MTMR3: variants seen among roughly 807,000 people sequenced by gnomAD.
MTMR3 encodes the protein phosphatidylinositol-3,5-bisphosphate 3-phosphatase MTMR3.
MTMR3 carries 32 observed loss-of-function variants against 132.4 expected under a neutral mutation model. That is an observed-to-expected ratio of 0.24 (90% CI 0.18 to 0.32). The LOEUF is 0.32. Ranked by LOEUF, MTMR3 falls within the 10% of genes least tolerant of loss-of-function variation. The probability of loss-of-function intolerance (pLI) is 1.00; values close to 1 mark genes in which losing one functional copy is unlikely to be tolerated. For missense variants in MTMR3, 1,216 were observed against 1,489.6 expected (o/e 0.82, Z 3.02); for synonymous variants, 556 against 550.3 (o/e 1.01, Z -0.14).
intron 1 of MTMR3, among the ~76,000 whole-genome samples, chr22:29,918,663 A>C (rs1333526791): frequency 1.3e-5 from 2 of 152,222 alleles, no homozygotes; most frequent in African/African-American, 4.8e-5. Flanking sequence ...TATTAAATAT[A>C]TGTTGCTTTT....
chr22:29,973,826 T>TG lies in MTMR3; in HGVS notation c.3+2765dup, dbSNP rs1199816703. The stretch of plus-strand genomic sequence containing the variant: ...GTTGGTCAGGCTGGTCTCGAACTCC[T>TG]GACCTCAGGTGATCCATCTGCCTCA... On this transcript the variant is annotated intron_variant, in intron 3 of 19. Transcript: ENST00000401950. 2.0e-5 allele frequency among the ~76,000 whole-genome samples: 3 copies of TG among 152,308 alleles called. No homozygotes were observed. The East Asian group carries it at 5.8e-4, about 29-fold the overall frequency.
At chr22:29,975,251 AC>A (rs2066608106) in intron 3 of MTMR3, among the ~76,000 whole-genome samples, 1 of 152,238 alleles carries the variant, frequency 6.6e-6, no homozygotes, top group Non-Finnish European at 1.5e-5. Context: ...AGAAAATAAA[AC>A]TGAGAAATCT....
At chr22:29,986,643 AAG>A in intron 5 of MTMR3, 1 of 945,238 alleles carries the variant, frequency 1.1e-6, no homozygotes, top group Non-Finnish European at 1.3e-6. Flanking sequence ...GAACACAGGC[AAG>A]ATTTTTCTTT....
intron 2 of MTMR3, among the ~76,000 whole-genome samples, chr22:29,958,787 A>G (rs1289384604): frequency 6.6e-6 from 1 of 152,198 alleles, no homozygotes; most frequent in Non-Finnish European, 1.5e-5. Context: ...CTATATTGAT[A>G]TTTGAATTGT....
intron 1 of MTMR3, among the ~76,000 whole-genome samples, chr22:29,889,792 G>A (rs1186644669): frequency 1.3e-5 from 2 of 151,736 alleles, no homozygotes; most frequent in African/African-American, 4.8e-5. Context: ...TAGCAGTTCT[G>A]TGTTATTAAT....
chr22:29,919,780 A>G (rs2065375196), intron 1 of MTMR3, among the ~76,000 whole-genome samples: 1 of 152,034 alleles, frequency 6.6e-6, no homozygotes, highest in African/African-American at 2.4e-5. Context: ...CTCCTGCCTC[A>G]CCTTCCCATA....
intron 9 of MTMR3, chr22:30,006,229 GGTCT>G (rs1442270552): frequency 6.6e-6 from 1 of 152,146 alleles, no homozygotes; most frequent in Non-Finnish European, 1.5e-5. Flanking sequence ...TGTGATTTCT[GGTCT>G]GTCTTATTGG....
At chr22:30,007,359 C>T (rs770929001) in intron 10 of MTMR3, 40 bp downstream of exon 10, 1 of 1,581,962 alleles carries the variant, frequency 6.3e-7, no homozygotes, top group Non-Finnish European at 8.7e-7. Context: ...ATTTTTATAG[C>T]ATCTAAGAAC....
At chr22:30,022,923 A>C (rs2067802079) in intron 19 of MTMR3, 1 of 530,184 alleles carries the variant, frequency 1.9e-6, no homozygotes, top group African/African-American at 1.9e-5. Flanking sequence ...AAATGGTAGC[A>C]TTTTGTTGTT....
intron 5 of MTMR3, chr22:29,987,029 C>G (rs1169128254): frequency 6.6e-6 from 1 of 152,220 alleles, no homozygotes; most frequent in African/African-American, 2.4e-5. Flanking sequence ...GCGTGAGCCA[C>G]CGTATCCGGC....
Position 30,019,885 on chromosome 22 carries a change from C to G in MTMR3, c.2226C>G (p.Asp742Glu). 6.2e-7 allele frequency: 1 copy of G among 1,614,182 alleles called. No individual in the cohort carries two copies. ...PEASAIGLHQ[D>E]PELGDAALRS... ...CCTCAGCCATTGGACTTCACCAAGA[C>G]CCAGAACTGGGTGATGCTGCTCTGA... Residue 742 changes from aspartate to glutamate, a missense_variant, in exon 17 of 20, where the codon GAC becomes GAG. Physicochemically the swap from Asp to Glu is conservative, Grantham distance 45 (BLOSUM62 2). Coordinates refer to ENST00000401950, the MANE Select transcript of MTMR3 (RefSeq NM_021090.4).
At chr22:29,927,085 A>C (rs1418313966) in intron 1 of MTMR3, among the ~76,000 whole-genome samples, 2 of 152,156 alleles carry the variant, frequency 1.3e-5, no homozygotes, top group African/African-American at 4.8e-5. Flanking sequence ...CGTTTGTTGA[A>C]AACTGTTCTT....
Position 29,926,561 on chromosome 22 carries a change from C to T in MTMR3, c.-137-30475C>T, listed in dbSNP as rs553858289. 5.9e-5 allele frequency among the ~76,000 whole-genome samples: 9 copies of T among 152,196 alleles called. No homozygotes were observed. The East Asian group carries it at 1.7e-3, about 29-fold the overall frequency. On this transcript the variant is annotated intron_variant, in intron 1 of 19. Transcript: ENST00000401950. ...TCTTGATTACATTTGTGATTATCTG[C>T]CCTTTTGATTTTAGTCATGCTAGTG...
intron 2 of MTMR3, 108 bp from the exon 3 acceptor site, chr22:29,970,868 A>T (rs776613607): frequency 3.2e-5 from 18 of 557,494 alleles, no homozygotes; most frequent in Non-Finnish European, 5.7e-5. Context: ...GCCTGTGTAT[A>T]TACAATACCT....
At chr22:29,958,682 GAATTA>G (rs1457345979) in intron 2 of MTMR3, among the ~76,000 whole-genome samples, 2 of 152,024 alleles carry the variant, frequency 1.3e-5, no homozygotes, top group African/African-American at 4.8e-5. Flanking sequence ...CATTACCATG[GAATTA>G]AATTTCTGTA....
chr22:30,006,148 T>C (rs958932964), intron 9 of MTMR3: 2 of 152,268 alleles, frequency 1.3e-5, no homozygotes, highest in Non-Finnish European at 2.9e-5. Flanking sequence ...AATAGAATTT[T>C]TCTAACTTTT....
intron 12 of MTMR3, chr22:30,012,147 T>C (rs2067448018): frequency 2.1e-6 from 1 of 481,932 alleles, no homozygotes. Flanking sequence ...AGGTGTGCTA[T>C]TAATTGTAGC....
At chr22:29,959,291 T>C (rs2066260895) in intron 2 of MTMR3, among the ~76,000 whole-genome samples, 1 of 152,128 alleles carries the variant, frequency 6.6e-6, no homozygotes, top group Non-Finnish European at 1.5e-5. Flanking sequence ...AGGCTTGGAA[T>C]AGGAATCTTA....
At chr22:29,926,293 G>A (rs1370076031) in intron 1 of MTMR3, among the ~76,000 whole-genome samples, 3 of 152,174 alleles carry the variant, frequency 2.0e-5, no homozygotes, top group African/African-American at 7.2e-5. Context: ...TCATCCGTCA[G>A]TGATCATTTG....
Sources: gnomAD v4.1 joint callset for allele counts (sites outside exome capture counted in the v4.1 genomes callset) on GRCh38, gnomAD v4.1.1 for gene constraint, MANE v1.5 for transcripts, NCBI Gene and HGNC (gene_info 2026-07-23, HGNC 2026-07-21) for gene names.